SH3RF1: variants seen among roughly 807,000 people sequenced by gnomAD.
SH3RF1 encodes the protein SH3 domain containing ring finger 1.
SH3RF1 carries 32 observed loss-of-function variants against 74.0 expected under a neutral mutation model. The observed-to-expected ratio is 0.43, with a 90% CI of 0.33 to 0.58. The LOEUF (loss-of-function observed/expected upper bound fraction) is 0.58. Ranked by LOEUF, SH3RF1 falls within the 20% of genes least tolerant of loss-of-function variation. SH3RF1 has a pLI of 0.05. For missense variants in SH3RF1, 954 were observed against 1,130.9 expected, an observed-to-expected ratio of 0.84 and a Z score of 2.24; for synonymous variants, 396 against 439.6, an observed-to-expected ratio of 0.90 and a Z score of 1.24.
chr4:169,096,417 C>T lies in SH3RF1; in HGVS notation c.*102G>A, dbSNP rs1732931332. ...AGTCACATACCAATCCTTTGCTCAT[C>T]TCCTGACCATCTGGAAGTCCACAAA... On this transcript the variant is annotated 3_prime_UTR_variant, in exon 12 of 12. Coordinates refer to ENST00000284637, the MANE Select transcript of SH3RF1 (RefSeq NM_020870.4). The T allele has an allele frequency of 2.3e-6, 3 of 1,295,344 alleles. No individual in the cohort carries two copies. Among genetic ancestry groups the T allele is most frequent in the Non-Finnish European group, 3.2e-6 (3 of 930,688 alleles). The allele number at this position is 1,295,344 out of a possible 1,614,324, so 80.2% of individuals were successfully genotyped here.
At chr4:169,197,542 T>C (rs1418637119) in intron 2 of SH3RF1, among the ~76,000 whole-genome samples, 1 of 147,206 alleles carries the variant, frequency 6.8e-6, no homozygotes, top group Non-Finnish European at 1.5e-5. Context: ...GAGAATCGCT[T>C]GAACCCAGGA....
intron 2 of SH3RF1, among the ~76,000 whole-genome samples, chr4:169,260,354 C>T (rs537400886): frequency 3.5e-4 from 53 of 152,188 alleles, no homozygotes; most frequent in Middle Eastern, 6.8e-3. Flanking sequence ...CTTTCCTGCT[C>T]CCCCTGTCTG....
chr4:169,159,936 G>A (rs1734124788), intron 2 of SH3RF1, among the ~76,000 whole-genome samples: 1 of 152,168 alleles, frequency 6.6e-6, no homozygotes, highest in Admixed American at 6.5e-5. Flanking sequence ...TGGTTGAACA[G>A]AAGAAATTAC....
chr4:169,143,297 T>A (rs1168738785), intron 4 of SH3RF1, among the ~76,000 whole-genome samples: 1 of 152,222 alleles, frequency 6.6e-6, no homozygotes. Flanking sequence ...TATGATCACT[T>A]CAACATGTAA....
At chr4:169,156,259 G>T in intron 3 of SH3RF1, 145 bp downstream of exon 3, 1 of 852,036 alleles carries the variant, frequency 1.2e-6, no homozygotes, top group Non-Finnish European at 1.7e-6. Flanking sequence ...CTTAAAGACT[G>T]CTTCTAGGCA....
At chr4:169,184,441 C>T (rs561925649) in intron 2 of SH3RF1, among the ~76,000 whole-genome samples, 17 of 152,322 alleles carry the variant, frequency 1.1e-4, no homozygotes, top group African/African-American at 2.6e-4. Flanking sequence ...CAGTCAGACC[C>T]GGGCTTGCAT....
At chr4:169,239,929 C>T (rs894809422) in intron 2 of SH3RF1, among the ~76,000 whole-genome samples, 4 of 152,052 alleles carry the variant, frequency 2.6e-5, no homozygotes, top group African/African-American at 9.7e-5. Flanking sequence ...GAGGCTGAGG[C>T]AGGAGAATCT....
intron 2 of SH3RF1, among the ~76,000 whole-genome samples, chr4:169,175,667 T>G (rs1463416355): frequency 6.6e-6 from 1 of 152,138 alleles, no homozygotes; most frequent in African/African-American, 2.4e-5. Context: ...GTTTTCTTCA[T>G]GACATTTATC....
At chr4:169,241,246 T>C (rs1274390887) in intron 2 of SH3RF1, among the ~76,000 whole-genome samples, 2 of 151,942 alleles carry the variant, frequency 1.3e-5, no homozygotes, top group Non-Finnish European at 2.9e-5. Context: ...AATAAATAAA[T>C]AAACAAACAA....
chr4:169,220,350 A>G (rs573037034), intron 2 of SH3RF1: 2 of 152,358 alleles, frequency 1.3e-5, no homozygotes, highest in South Asian at 4.1e-4. Context: ...TTTTAAATAC[A>G]TGTTCCTTCG....
intron 2 of SH3RF1, among the ~76,000 whole-genome samples, chr4:169,178,114 ACCTGTAACCC>A (rs1215372702): frequency 2.0e-5 from 3 of 151,912 alleles, no homozygotes; most frequent in Non-Finnish European, 4.4e-5. Flanking sequence ...GGTGGTGGGC[ACCTGTAACCC>A]CAACTACTCA....
At chr4:169,169,160 T>C (rs1224652895) in intron 2 of SH3RF1, among the ~76,000 whole-genome samples, 1 of 152,224 alleles carries the variant, frequency 6.6e-6, no homozygotes, top group Non-Finnish European at 1.5e-5. Flanking sequence ...ATGTGAAGTT[T>C]ATATAGTAAG....
At chr4:169,099,922 G>T (rs901041752) in intron 11 of SH3RF1, among the ~76,000 whole-genome samples, 1 of 152,162 alleles carries the variant, frequency 6.6e-6, no homozygotes, top group Non-Finnish European at 1.5e-5. Context: ...ACTACCAGGT[G>T]CAGGAGTAAT....
At chr4:169,181,314 G>C (rs1734506471) in intron 2 of SH3RF1, among the ~76,000 whole-genome samples, 1 of 145,494 alleles carries the variant, frequency 6.9e-6, no homozygotes, top group Non-Finnish European at 1.5e-5. Flanking sequence ...CCAGGCTGGA[G>C]TGCAGTGGTG....
At chr4:169,214,936 A>G (rs560245633) in intron 2 of SH3RF1, among the ~76,000 whole-genome samples, 1 of 151,992 alleles carries the variant, frequency 6.6e-6, no homozygotes, top group East Asian at 1.9e-4. Context: ...TTCCTTCCCA[A>G]TCTTTATACC....
chr4:169,111,074 G>A (rs560294011), intron 10 of SH3RF1, among the ~76,000 whole-genome samples: 49 of 151,870 alleles, frequency 3.2e-4, no homozygotes, highest in Admixed American at 1.9e-3. Context: ...TTGGGAGGCC[G>A]AGGCAGGGGG....
In SH3RF1 at chr4:169,160,806, G is replaced by A. The variant is rs529225185; in HGVS notation, c.394-4127C>T. Among the ~76,000 whole-genome samples, 50 of 152,252 alleles carry A rather than the reference G, an allele frequency of 3.3e-4. 1 individual carries two copies. The highest frequency in any genetic ancestry group is 1.1e-3 in the African/African-American group (46 of 41,544). On this transcript the variant is annotated intron_variant, in intron 2 of 11. Transcript: ENST00000284637. ...AGACTGCAGATGATTAAGGATAAACGGTTAAACGACTTGGAAAAGCAATAA... is the reference window on the plus strand; with the variant it reads ...AGACTGCAGATGATTAAGGATAAACAGTTAAACGACTTGGAAAAGCAATAA...
intron 2 of SH3RF1, among the ~76,000 whole-genome samples, chr4:169,158,450 T>C (rs559655754): frequency 6.6e-6 from 1 of 152,224 alleles, no homozygotes; most frequent in East Asian, 1.9e-4. Flanking sequence ...AAAGGAGAGG[T>C]AGGCAGAGGC....
Position 169,095,923 on chromosome 4 carries a change from T to C in SH3RF1, c.*596A>G, listed in dbSNP as rs144452780. ...TCTGTCTCTCTACCCCAGGCCCTAATTGATACTGATTCATTTGTATGTTTG... is the reference window on the plus strand; with the variant it reads ...TCTGTCTCTCTACCCCAGGCCCTAACTGATACTGATTCATTTGTATGTTTG... On this transcript the variant is annotated 3_prime_UTR_variant, in exon 12 of 12. Transcript: ENST00000284637. 1.3e-5 allele frequency: 2 copies of C among 152,330 alleles called. No individual in the cohort carries two copies. The highest frequency in any genetic ancestry group is 2.1e-4 in the South Asian group (1 of 4,826). 9.4% of individuals were successfully genotyped at this position (152,330 alleles called of 1,614,324 possible). A position where few individuals can be genotyped will look rare whatever the true frequency, so the allele number is the denominator to read the frequency against.
Sources: gnomAD v4.1 joint callset for allele counts (sites outside exome capture counted in the v4.1 genomes callset) on GRCh38, gnomAD v4.1.1 for gene constraint, MANE v1.5 for transcripts, NCBI Gene and HGNC (gene_info 2026-07-23, HGNC 2026-07-21) for gene names.